GART: variants seen among roughly 807,000 people sequenced by gnomAD.
GART encodes phosphoribosylglycinamide formyltransferase, phosphoribosylglycinamide synthetase, phosphoribosylaminoimidazole synthetase, also known as trifunctional purine biosynthetic protein adenosine-3.
A neutral mutation model predicts 107.2 loss-of-function variants in GART; 43 were observed. That is an observed-to-expected ratio of 0.40 (90% CI 0.31 to 0.52). The LOEUF is 0.52. Among genes scored for constraint, GART ranks in the 20% least tolerant of loss-of-function variants. The pLI is 0.52. For synonymous variants in GART, 434 were observed against 427.0 expected (o/e 1.02, Z -0.20); for missense variants, 1,107 against 1,206.5 (o/e 0.92, Z 1.22).
intron 14 of GART, among the ~76,000 whole-genome samples, chr21:33,519,678 A>C (rs1312277156): frequency 6.6e-6 from 1 of 151,932 alleles, no homozygotes; most frequent in Admixed American, 6.6e-5. Flanking sequence ...AAGTACAAAA[A>C]TTAGCTGGGT....
chr21:33,538,281 T>C (rs1179592047), intron 2 of GART, among the ~76,000 whole-genome samples: 1 of 146,376 alleles, frequency 6.8e-6, no homozygotes, highest in African/African-American at 2.5e-5. Context: ...GAGATAAGGG[T>C]TGAGATCTAT....
chr21:33,533,220 A>C (rs1368413656), intron 4 of GART, among the ~76,000 whole-genome samples: 1 of 149,474 alleles, frequency 6.7e-6, no homozygotes, highest in African/African-American at 2.5e-5. Context: ...CGGGCGGATC[A>C]CGAGGTCAGG....
intron 11 of GART, chr21:33,524,124 G>A (rs1281243333): frequency 1.0e-6 from 1 of 985,158 alleles, no homozygotes; most frequent in Non-Finnish European, 1.2e-6. Context: ...GTGATAAAAT[G>A]AGACTGTCAA....
intron 7 of GART, 137 bp from the exon 8 acceptor site, chr21:33,529,074 G>A: frequency 1.9e-6 from 1 of 532,626 alleles, no homozygotes; most frequent in East Asian, 3.2e-5. Flanking sequence ...CTTTGAACTT[G>A]AAAGATTTAA....
intron 14 of GART, 39 bp downstream of exon 14, chr21:33,520,322 AAAG>A (rs766025319): frequency 2.1e-5 from 34 of 1,582,242 alleles, no homozygotes; most frequent in Non-Finnish European, 2.7e-5. Context: ...TAAAACACAA[AAAG>A]AAGAATGACA....
chr21:33,523,471 T>G (rs947225606), intron 11 of GART, among the ~76,000 whole-genome samples: 1 of 152,194 alleles, frequency 6.6e-6, no homozygotes, highest in African/African-American at 2.4e-5. Context: ...TTCAATGGAA[T>G]CTAGTCATTT....
At position 33,524,915 on chromosome 21, in the gene GART, A is replaced by AC; in HGVS notation, c.1151dup (p.Arg385Ter). ...GGATGGCTGTGACTGCAAGAACTCT[A>AC]CCCCCATGAGTTACTACTTTGCCAT... On this transcript the variant is annotated frameshift_variant, in exon 11 of 22. Coordinates refer to ENST00000381815, the MANE Select transcript of GART (RefSeq NM_000819.5). LOFTEE classifies it high-confidence loss of function. 1 of 1,613,824 alleles carries AC rather than the reference A, an allele frequency of 6.2e-7. No individual in the cohort carries two copies. Among genetic ancestry groups the AC allele is most frequent in the Non-Finnish European group, 8.5e-7 (1 of 1,179,976 alleles).
At chr21:33,507,342 A>T (rs1321050381) in intron 18 of GART, among the ~76,000 whole-genome samples, 1 of 152,188 alleles carries the variant, frequency 6.6e-6, no homozygotes, top group Non-Finnish European at 1.5e-5. Flanking sequence ...GGGAGCTAAA[A>T]ATTAAAACAG....
At position 33,517,576 on chromosome 21, in the gene GART, G is replaced by A. The variant is rs1465301930; in HGVS notation, c.1735C>T (p.Pro579Ser). ...GETAEMPDMYPPGEYDLAGFA... is the reference protein window; with the variant it reads ...GETAEMPDMYSPGEYDLAGFA... ...CCAGCTAGGTCATACTCTCCAGGGG[G>A]ATACATGTCAGGCATTTCTGCTGTT... Residue 579 changes from proline to serine, a missense_variant, in exon 15 of 22, where the codon CCC becomes TCC. Coordinates refer to ENST00000381815, the MANE Select transcript of GART (RefSeq NM_000819.5). 1 of 1,614,196 alleles carries A rather than the reference G, an allele frequency of 6.2e-7. No individual in the cohort carries two copies. The highest frequency in any genetic ancestry group is 2.2e-5 in the East Asian group (1 of 44,884).
chr21:33,536,967 G>A (rs1569036794), intron 2 of GART, among the ~76,000 whole-genome samples: 1 of 152,234 alleles, frequency 6.6e-6, no homozygotes, highest in Non-Finnish European at 1.5e-5. Flanking sequence ...GGTGACTACT[G>A]TATAGGGTCC....
chr21:33,525,873 T>TC (rs1177712669), intron 10 of GART, among the ~76,000 whole-genome samples: 1 of 149,544 alleles, frequency 6.7e-6, no homozygotes, highest in African/African-American at 2.5e-5. Context: ...AACTTCCTTT[T>TC]TTTTTTTTTT....
intron 18 of GART, among the ~76,000 whole-genome samples, chr21:33,506,786 C>T (rs1028319663): frequency 6.6e-6 from 1 of 152,082 alleles, no homozygotes; most frequent in African/African-American, 2.4e-5. Context: ...TAAAAGAAAA[C>T]ACACAAATTG....
chr21:33,530,629 A>T, intron 7 of GART, 130 bp downstream of exon 7: 1 of 951,340 alleles, frequency 1.1e-6, no homozygotes, highest in Non-Finnish European at 1.4e-6. Context: ...CTCCTCATTT[A>T]ATTGCTGATT....
At position 33,542,049 on chromosome 21, in the gene GART, G is replaced by T. The variant is rs539753203; in HGVS notation, c.-42+16C>A. ...CCTAAGCGCGCTCCGTGTAAAAGCGGAGGGGGTTTACGCACCGACACCGGG... is the reference window on the plus strand; with the variant it reads ...CCTAAGCGCGCTCCGTGTAAAAGCGTAGGGGGTTTACGCACCGACACCGGG... On this transcript the variant is annotated intron_variant, in intron 1 of 21. Transcript: ENST00000381815. 6.6e-6 allele frequency: 1 copy of T among 152,228 alleles called. No individual in the cohort carries two copies. The highest frequency in any genetic ancestry group is 2.4e-5 in the African/African-American group (1 of 41,450). 9.4% of individuals were successfully genotyped at this position (152,228 alleles called of 1,614,324 possible).
intron 17 of GART, among the ~76,000 whole-genome samples, chr21:33,510,963 C>T (rs1476346426): frequency 6.6e-6 from 1 of 152,080 alleles, no homozygotes; most frequent in African/African-American, 2.4e-5. Flanking sequence ...TTCCTTGAAT[C>T]GAGCTGAGTG....
chr21:33,533,447 A>T (rs926746442), intron 4 of GART, among the ~76,000 whole-genome samples: 2 of 149,098 alleles, frequency 1.3e-5, no homozygotes, highest in Non-Finnish European at 3.0e-5. Flanking sequence ...TCAAAAAAAA[A>T]AAAATAAATA....
At chr21:33,510,740 G>C (rs899097373) in intron 17 of GART, among the ~76,000 whole-genome samples, 1 of 152,192 alleles carries the variant, frequency 6.6e-6, no homozygotes, top group African/African-American at 2.4e-5. Context: ...GGCAGATACA[G>C]GTAAAGTCAA....
Position 33,517,125 on chromosome 21 carries a change from C to T in GART, c.1971G>A (p.Thr657=), listed in dbSNP as rs142084025. The T allele has an allele frequency of 1.7e-5, 27 of 1,608,870 alleles. No individual in the cohort carries two copies. The East Asian group carries it at 2.0e-4, about 12-fold the overall frequency. Residue 657 remains threonine, a synonymous_variant, in exon 16 of 22, where the codon ACG becomes ACA. Transcript: ENST00000381815. The part of the protein sequence containing the change: ...GDQTLGDLLL[T]PTRIYSHSLL... ...GTGAATGGCTGTAGATTCTGGTAGGCGTGAGAAGTAAGTCCCCTGCATGTT... is the reference window on the plus strand; with the variant it reads ...GTGAATGGCTGTAGATTCTGGTAGGTGTGAGAAGTAAGTCCCCTGCATGTT...
intron 14 of GART, chr21:33,518,801 C>A: frequency 6.0e-6 from 3 of 497,050 alleles, no homozygotes; most frequent in South Asian, 4.6e-5. Context: ...TTCAGTCGGT[C>A]TCCTTAAACT....
Sources: allele counts gnomAD v4.1 joint callset (sites outside exome capture counted in the v4.1 genomes callset), GRCh38; gene constraint gnomAD v4.1.1; transcripts MANE v1.5; gene names NCBI Gene and HGNC (gene_info 2026-07-23, HGNC 2026-07-21).